Variants in NAV3 observed in about 807,000 individuals in gnomAD.
NAV3 encodes pore membrane and/or filament interacting like protein 1.
A neutral mutation model predicts 244.7 loss-of-function variants in NAV3; 87 were observed. That is an observed-to-expected ratio of 0.36 (90% CI 0.30 to 0.42). The LOEUF (loss-of-function observed/expected upper bound fraction) is 0.42. Ranked by LOEUF, NAV3 falls within the 20% of genes least tolerant of loss-of-function variation. The pLI is 1.00. For synonymous variants in NAV3, 1,126 were observed against 1,042.2 expected (o/e 1.08, Z -1.55); for missense variants, 2,663 against 2,893.3 (o/e 0.92, Z 1.83).
chr12:77,897,244 C>T (rs1161556814), intron 1 of NAV3, among the ~76,000 whole-genome samples: 1 of 152,168 alleles, frequency 6.6e-6, no homozygotes, highest in Admixed American at 6.5e-5. Flanking sequence ...TTGACTATAT[C>T]GTGAATACTT....
At chr12:77,860,722 A>C (rs1879136343) in intron 1 of NAV3, among the ~76,000 whole-genome samples, 1 of 151,904 alleles carries the variant, frequency 6.6e-6, no homozygotes, top group South Asian at 2.1e-4. Flanking sequence ...AGTCAGTTTT[A>C]AAATTTTAAA....
chr12:78,196,647 G>A (rs1352100896), intron 34 of NAV3, among the ~76,000 whole-genome samples: 1 of 151,904 alleles, frequency 6.6e-6, no homozygotes, highest in Non-Finnish European at 1.5e-5. Context: ...CTCAGGAGAT[G>A]CTAAATTTTG....
chr12:77,886,050 C>T (rs1182361478), intron 1 of NAV3, among the ~76,000 whole-genome samples: 1 of 152,116 alleles, frequency 6.6e-6, no homozygotes, highest in African/African-American at 2.4e-5. Flanking sequence ...TTATTATCAT[C>T]TCTCTCTAAA....
At chr12:77,834,390 A>C (rs1459983412) in intron 1 of NAV3, among the ~76,000 whole-genome samples, 1 of 152,248 alleles carries the variant, frequency 6.6e-6, no homozygotes, top group Non-Finnish European at 1.5e-5. Flanking sequence ...CTCAGTTCAA[A>C]GTGAACAATT....
chr12:78,027,180 A>G (rs1469035417), intron 9 of NAV3, among the ~76,000 whole-genome samples: 2 of 152,086 alleles, frequency 1.3e-5, no homozygotes, highest in African/African-American at 4.8e-5. Flanking sequence ...TCATACCTGG[A>G]ATAGCAGCAC....
Position 77,820,089 on chromosome 12 carries a change from AGTGT to A in NAV3, c.73-120212_73-120209del, listed in dbSNP as rs77744703. On this transcript the variant is annotated intron_variant, in intron 2 of 8. Transcript: ENST00000550042. ...AGAGAATAAAATGTCAATAAATTGA[AGTGT>A]GTGTGTGTGTGTGTGTGCACACGCA... Among the ~76,000 whole-genome samples, 632 of 151,124 alleles carry A rather than the reference AGTGT, an allele frequency of 4.2e-3. 3 individuals carry two copies. Among genetic ancestry groups the A allele is most frequent in the African/African-American group, 9.6e-3 (395 of 41,240 alleles).
At chr12:77,844,043 G>A (rs1876188656) in intron 1 of NAV3, among the ~76,000 whole-genome samples, 1 of 152,322 alleles carries the variant, frequency 6.6e-6, no homozygotes, top group South Asian at 2.1e-4. Context: ...GAGCTGTTAA[G>A]ATTAAGTGAG....
intron 1 of NAV3, among the ~76,000 whole-genome samples, chr12:77,880,701 T>A (rs186989906): frequency 6.6e-6 from 1 of 152,246 alleles, no homozygotes; most frequent in Non-Finnish European, 1.5e-5. Flanking sequence ...CTTTTCTACG[T>A]TCAGATATGT....
chr12:77,743,746 C>A (rs1565795081), intron 2 of NAV3, among the ~76,000 whole-genome samples: 1 of 151,734 alleles, frequency 6.6e-6, no homozygotes, highest in East Asian at 1.9e-4. Flanking sequence ...TATAATAAAG[C>A]TTATTAATAA....
At chr12:77,929,378 A>AG (rs1360596707) in intron 1 of NAV3, among the ~76,000 whole-genome samples, 1 of 152,188 alleles carries the variant, frequency 6.6e-6, no homozygotes, top group Admixed American at 6.5e-5. Flanking sequence ...CGTCACGGAC[A>AG]GGGACATGTC....
intron 2 of NAV3, among the ~76,000 whole-genome samples, chr12:77,629,024 C>G (rs995006050): frequency 1.3e-5 from 2 of 151,910 alleles, no homozygotes; most frequent in Admixed American, 6.6e-5. Flanking sequence ...AGTAGGTAAA[C>G]CTTAATTGCT....
chr12:77,617,862 T>A (rs1389826037), intron 2 of NAV3, among the ~76,000 whole-genome samples: 2 of 152,170 alleles, frequency 1.3e-5, no homozygotes, highest in Non-Finnish European at 2.9e-5. Flanking sequence ...ATATCTCAAA[T>A]GGAAAACTTA....
chr12:77,932,404 ACT>A (rs745683495), intron 1 of NAV3, among the ~76,000 whole-genome samples: 3 of 151,602 alleles, frequency 2.0e-5, no homozygotes, highest in African/African-American at 4.9e-5. Flanking sequence ...TGTTTGCATT[ACT>A]CTGTCTCCCT....
At chr12:77,919,371 A>G (rs1887481178) in intron 1 of NAV3, among the ~76,000 whole-genome samples, 2 of 152,044 alleles carry the variant, frequency 1.3e-5, no homozygotes, top group African/African-American at 4.8e-5. Flanking sequence ...CTTACCAGAA[A>G]GCTCAATTGT....
At chr12:77,768,519 G>A (rs1869906531) in intron 2 of NAV3, among the ~76,000 whole-genome samples, 1 of 152,228 alleles carries the variant, frequency 6.6e-6, no homozygotes, top group Non-Finnish European at 1.5e-5. Flanking sequence ...TAGTGAGTCA[G>A]CAGCACCCCA....
In NAV3 at chr12:78,118,226, G is replaced by A. The variant is rs1224446179; in HGVS notation, c.2969G>A (p.Arg990Lys). 1.4e-5 allele frequency: 23 copies of A among 1,613,694 alleles called. No homozygotes were observed. The highest frequency in any genetic ancestry group is 1.9e-5 in the Non-Finnish European group (22 of 1,179,882). Residue 990 changes from arginine to lysine, a missense_variant, in exon 14 of 40, where the codon AGA becomes AAA. Physicochemically the swap from Arg to Lys is conservative, Grantham distance 26. Transcript: ENST00000397909. ...TCTGTTTCACAGACAGGTTCCTGGAGAAGAGGCATGTCTGCCCAAGGAGGG... is the reference window on the plus strand; with the variant it reads ...TCTGTTTCACAGACAGGTTCCTGGAAAAGAGGCATGTCTGCCCAAGGAGGG... The part of the protein sequence containing the change: ...SLSVSQTGSW[R>K]RGMSAQGGAP...
At chr12:77,767,528 G>A (rs956504468) in intron 2 of NAV3, among the ~76,000 whole-genome samples, 3 of 152,210 alleles carry the variant, frequency 2.0e-5, no homozygotes, top group Non-Finnish European at 4.4e-5. Context: ...AGGGATGTGT[G>A]AGTAGGTGAG....
At chr12:77,672,453 C>T in intron 2 of NAV3, among the ~76,000 whole-genome samples, 1 of 152,200 alleles carries the variant, frequency 6.6e-6, no homozygotes, top group Middle Eastern at 3.4e-3. Flanking sequence ...CACACGCATG[C>T]TTACAGCAGC....
chr12:77,742,944 T>A (rs1386464256), intron 2 of NAV3, among the ~76,000 whole-genome samples: 1 of 152,018 alleles, frequency 6.6e-6, no homozygotes, highest in Non-Finnish European at 1.5e-5. Flanking sequence ...ACTGTAAACC[T>A]GAATAATACC....
Sources: allele counts gnomAD v4.1 joint callset (sites outside exome capture counted in the v4.1 genomes callset), GRCh38; gene constraint gnomAD v4.1.1; transcripts MANE v1.5; gene names NCBI Gene and HGNC (gene_info 2026-07-23, HGNC 2026-07-21).